ANAPC4: variants seen among roughly 807,000 people sequenced by gnomAD.
ANAPC4 encodes the protein anaphase promoting complex subunit 4.
Under a neutral mutation model 119.8 loss-of-function variants are expected in ANAPC4, and 63 were observed. The ratio of observed to expected loss-of-function variants is 0.53; its 90% confidence interval spans 0.43 to 0.65. The LOEUF is 0.65. ANAPC4 is among the 30% of genes least tolerant of loss of function. ANAPC4 has a pLI of 0.00. For missense variants in ANAPC4, 716 were observed against 945.1 expected, an observed-to-expected ratio of 0.76 and a Z score of 3.18; for synonymous variants, 283 against 318.6, an observed-to-expected ratio of 0.89 and a Z score of 1.19.
At chr4:25,382,089 A>G (rs901103253) in intron 3 of ANAPC4, among the ~76,000 whole-genome samples, 4 of 149,908 alleles carry the variant, frequency 2.7e-5, no homozygotes, top group African/African-American at 9.8e-5. Flanking sequence ...TATTTGGTGC[A>G]TACCATTTTG....
In ANAPC4 at chr4:25,417,600, T is replaced by A. The variant is rs1311648955; in HGVS notation, c.2076-16T>A. On this transcript the variant is annotated splice_polypyrimidine_tract_variant and intron_variant, in intron 27 of 28. Transcript: ENST00000315368. ...ATCCCCTTTTCATTCCTGAGTTGGT[T>A]TTTTTCCCTCTTTAGGCTAGATGAA... The A allele has an allele frequency of 1.3e-6, 2 of 1,570,684 alleles. No homozygotes were observed. Among genetic ancestry groups the A allele is most frequent in the Admixed American group, 3.9e-5 (2 of 51,528 alleles).
intron 4 of ANAPC4, among the ~76,000 whole-genome samples, chr4:25,386,612 A>G (rs1722050878): frequency 6.6e-6 from 1 of 152,246 alleles, no homozygotes; most frequent in Non-Finnish European, 1.5e-5. Flanking sequence ...AAATAATATA[A>G]TAATGAAAAA....
intron 2 of ANAPC4, 110 bp downstream of exon 2, chr4:25,377,666 C>G: frequency 6.8e-7 from 1 of 1,463,876 alleles, no homozygotes; most frequent in Non-Finnish European, 9.1e-7. Flanking sequence ...GCCTCAGTTT[C>G]CCCTTCTGCA....
intron 22 of ANAPC4, 193 bp downstream of exon 22, chr4:25,413,935 G>A (rs1264059946): frequency 1.2e-5 from 6 of 508,962 alleles, no homozygotes; most frequent in Admixed American, 3.7e-5. Context: ...ACACACGTGT[G>A]TGTGTGTGTG....
At chr4:25,392,241 T>C (rs1722387547) in intron 9 of ANAPC4, 97 bp from the exon 10 acceptor site, 3 of 840,858 alleles carry the variant, frequency 3.6e-6, no homozygotes, top group Middle Eastern at 4.5e-4. Flanking sequence ...AATTCTGACA[T>C]AGTCTTTCTG....
At chr4:25,396,430 C>T (rs1181982180) in intron 14 of ANAPC4, among the ~76,000 whole-genome samples, 2 of 152,210 alleles carry the variant, frequency 1.3e-5, no homozygotes, top group Non-Finnish European at 2.9e-5. Context: ...AACTGTGGAA[C>T]ACAATTTGAT....
intron 27 of ANAPC4, 70 bp downstream of exon 27, chr4:25,416,668 C>A: frequency 2.4e-6 from 3 of 1,233,334 alleles, no homozygotes; most frequent in East Asian, 2.6e-5. Context: ...AAATTCCAAC[C>A]TTTTAGGTAC....
At chr4:25,378,142 CAG>C (rs1721512272) in intron 2 of ANAPC4, among the ~76,000 whole-genome samples, 1 of 152,216 alleles carries the variant, frequency 6.6e-6, no homozygotes, top group Non-Finnish European at 1.5e-5. Context: ...GGATTCCAGA[CAG>C]AACGTGCATG....
intron 22 of ANAPC4, 158 bp from the exon 23 acceptor site, chr4:25,414,165 CT>C: frequency 1.8e-6 from 1 of 552,388 alleles, no homozygotes. Context: ...TCTCTTTTTC[CT>C]TACTGTTACA....
At chr4:25,379,310 T>C (rs1354784031) in intron 2 of ANAPC4, among the ~76,000 whole-genome samples, 1 of 152,124 alleles carries the variant, frequency 6.6e-6, no homozygotes, top group East Asian at 1.9e-4. Context: ...TTAGAAGGCA[T>C]GAGCAAGCCA....
chr4:25,383,428 C>G (rs748867356), intron 4 of ANAPC4, 35 bp downstream of exon 4: 3 of 1,500,802 alleles, frequency 2.0e-6, no homozygotes, highest in Non-Finnish European at 8.9e-7. Flanking sequence ...ATAGGGTATT[C>G]ATGAGATTTT....
chr4:25,394,656 T>C lies in ANAPC4; in HGVS notation c.942-15T>C, dbSNP rs1722538488. The stretch of plus-strand genomic sequence containing the variant: ...AATAGAGAAGTGACTAAAAATACTT[T>C]GTTTTTCATTGTAGTGCTGAACTTC... On this transcript the variant is annotated splice_polypyrimidine_tract_variant and intron_variant, in intron 12 of 28. Coordinates refer to ENST00000315368, the MANE Select transcript of ANAPC4 (RefSeq NM_013367.3). 2 of 1,581,640 alleles carry C rather than the reference T, an allele frequency of 1.3e-6. No homozygotes were observed. Among genetic ancestry groups the C allele is most frequent in the African/African-American group, 1.4e-5 (1 of 72,972 alleles).
In ANAPC4 at chr4:25,405,742, T is replaced by C; in HGVS notation, c.1317+123T>C. On this transcript the variant is annotated intron_variant, in intron 18 of 28. Coordinates refer to ENST00000315368, the MANE Select transcript of ANAPC4 (RefSeq NM_013367.3). The surrounding 1 kb of genome is among the most constrained non-coding windows in gnomAD (Gnocchi z 4.6). ...AGGATGTCAGGATGTAGACGTTAGA[T>C]CCCTTAAGCACCACCTTTTTAAAAA... 1.2e-6 allele frequency: 1 copy of C among 862,184 alleles called. No homozygotes were observed. The highest frequency in any genetic ancestry group is 1.8e-6 in the Non-Finnish European group (1 of 542,892). The allele number at this position is 862,184 out of a possible 1,614,324, so 53.4% of individuals were successfully genotyped here. A position where few individuals can be genotyped will look rare whatever the true frequency, so the allele number is the denominator to read the frequency against.
intron 27 of ANAPC4, 41 bp downstream of exon 27, chr4:25,416,639 T>A: frequency 7.1e-7 from 1 of 1,405,198 alleles, no homozygotes; most frequent in Non-Finnish European, 9.5e-7. Flanking sequence ...CAGTTAAATG[T>A]TTTTTTAATG....
intron 4 of ANAPC4, among the ~76,000 whole-genome samples, chr4:25,385,184 A>G (rs1721963431): frequency 1.3e-5 from 2 of 152,232 alleles, no homozygotes; most frequent in African/African-American, 4.8e-5. Flanking sequence ...GAATCAGCTT[A>G]TCCTTTGAAG....
intron 17 of ANAPC4, among the ~76,000 whole-genome samples, chr4:25,404,906 G>C (rs895089900): frequency 2.6e-5 from 4 of 151,944 alleles, no homozygotes; most frequent in Non-Finnish European, 5.9e-5. Context: ...AGATAACTTA[G>C]ATGTTTAAAT....
chr4:25,394,264 A>G (rs1251657642), intron 11 of ANAPC4, 46 bp from the exon 12 acceptor site: 1 of 1,464,718 alleles, frequency 6.8e-7, no homozygotes, highest in Non-Finnish European at 9.3e-7. Context: ...TATGCTTATA[A>G]TTTAAGAAAT....
chr4:25,414,188 C>A (rs55714412), intron 22 of ANAPC4, 136 bp from the exon 23 acceptor site: 267,046 of 576,760 alleles, frequency 0.46, 67,134 homozygotes, highest in Non-Finnish European at 0.52. Flanking sequence ...TTGTCATTAA[C>A]GTTTCTTATG....
chr4:25,391,843 T>C (rs1722363207), intron 9 of ANAPC4, among the ~76,000 whole-genome samples: 1 of 152,234 alleles, frequency 6.6e-6, no homozygotes, highest in Non-Finnish European at 1.5e-5. Flanking sequence ...GTTGTTCATA[T>C]TTGCTCATCT....
Sources: gnomAD v4.1 joint callset for allele counts (sites outside exome capture counted in the v4.1 genomes callset) on GRCh38, gnomAD v4.1.1 for gene constraint, Gnocchi (gnomAD v3.1) non-coding constraint, MANE v1.5 for transcripts, NCBI Gene and HGNC (gene_info 2026-07-23, HGNC 2026-07-21) for gene names.